The following PHACTR2 variants were observed in gnomAD, a reference collection of about 807,000 sequenced individuals.
PHACTR2 encodes the protein chromosome 6 open reading frame 56.
A neutral mutation model predicts 76.0 loss-of-function variants in PHACTR2; 30 were observed. That is an observed-to-expected ratio of 0.39 (90% confidence interval 0.30 to 0.54). The LOEUF (loss-of-function observed/expected upper bound fraction) is 0.54, where lower values mean the gene tolerates loss of function less well. Among genes scored for constraint, PHACTR2 ranks in the 20% least tolerant of loss-of-function variants. PHACTR2 has a pLI of 0.61. For synonymous variants in PHACTR2, 292 were observed against 292.5 expected, an observed-to-expected ratio of 1.00 and a Z score of 0.02; for missense variants, 696 against 781.1, an observed-to-expected ratio of 0.89 and a Z score of 1.30.
chr6:143,777,282 G>T lies in PHACTR2; in HGVS notation c.1590-46G>T. 9.9e-7 allele frequency: 1 copy of T among 1,007,280 alleles called. No homozygotes were observed. Among genetic ancestry groups the T allele is most frequent in the East Asian group, 2.4e-5 (1 of 41,366 alleles). The allele number at this position is 1,007,280 out of a possible 1,614,324, so 62.4% of individuals were successfully genotyped here. ...TTGTTTTATTCTGAGTCTCCTACTA[G>T]GGTACCTTGTTTTTAACCTGTAATA... On this transcript the variant is annotated intron_variant, in intron 8 of 12. Coordinates refer to ENST00000440869, the MANE Select transcript of PHACTR2 (RefSeq NM_001100164.2). This position sits in a 1 kb window ranked among gnomAD's most constrained non-coding sequence, Gnocchi z 4.6.
intron 3 of PHACTR2, among the ~76,000 whole-genome samples, chr6:143,752,494 C>A (rs1779205013): frequency 6.6e-6 from 1 of 151,998 alleles, no homozygotes; most frequent in Non-Finnish European, 1.5e-5. Flanking sequence ...TTGAGATTTA[C>A]TTGTAATGGC....
intron 1 of PHACTR2, chr6:143,711,727 G>A: frequency 3.3e-6 from 2 of 602,116 alleles, no homozygotes; most frequent in East Asian, 3.7e-5. Context: ...GTTGCAGATG[G>A]ATTCAGCTGT....
rs767469903 is a variant in PHACTR2 at position 143,602,462 on chromosome 6, C to T, written c.217+65255C>T. 6.6e-5 allele frequency among the ~76,000 whole-genome samples: 10 copies of T among 152,144 alleles called. No homozygotes were observed. The highest frequency in any genetic ancestry group is 1.5e-4 in the Non-Finnish European group (10 of 68,020). On this transcript the variant is annotated intron_variant, in intron 1 of 11. Transcript: ENST00000367584. This position sits in a 1 kb window ranked among gnomAD's most constrained non-coding sequence, Gnocchi z 6.1. ...CAAGCAGAGCCTGGCTCTGATTGCT[C>T]CTTTCTCATGTGGAGCTCTTTTAGA...
Position 143,765,171 on chromosome 6 carries a change from T to C in PHACTR2, c.695-90T>C. 1.0e-6 allele frequency: 1 copy of C among 1,002,944 alleles called. No homozygotes were observed. The highest frequency in any genetic ancestry group is 1.5e-6 in the Non-Finnish European group (1 of 673,940). The allele number at this position is 1,002,944 out of a possible 1,614,324, so 62.1% of individuals were successfully genotyped here. ...TTCAACAAACTTTAAAGGGAACATT[T>C]TAAATGTTGTTGACAGTTACACCTT... is the stretch of plus-strand genomic sequence containing the variant. On this transcript the variant is annotated intron_variant, in intron 5 of 12. Coordinates refer to ENST00000440869, the MANE Select transcript of PHACTR2 (RefSeq NM_001100164.2). The surrounding 1 kb of genome is among the most constrained non-coding windows in gnomAD (Gnocchi z 4.1).
chr6:143,569,107 G>A (rs1356584684), intron 1 of PHACTR2, among the ~76,000 whole-genome samples: 1 of 152,182 alleles, frequency 6.6e-6, no homozygotes, highest in East Asian at 1.9e-4. Flanking sequence ...GCTCACCCGT[G>A]ACCATGAGAA....
In PHACTR2 at chr6:143,751,371, C is replaced by T. The variant is rs1427738493; in HGVS notation, c.295+2306C>T. 1.3e-5 allele frequency among the ~76,000 whole-genome samples: 2 copies of T among 152,100 alleles called. No individual in the cohort carries two copies. Among genetic ancestry groups the T allele is most frequent in the African/African-American group, 2.4e-5 (1 of 41,410 alleles). ...CTCCTGGGAAGTCTATGATCTAGTC[C>T]AAGTTTGCTGCTTACCTCTGCTTTT... On this transcript the variant is annotated intron_variant, in intron 3 of 12. Transcript: ENST00000440869. This position sits in a 1 kb window ranked among gnomAD's most constrained non-coding sequence, Gnocchi z 5.7.
At position 143,597,976 on chromosome 6, in the gene PHACTR2, G is replaced by A. The variant is rs73003366; in HGVS notation, c.217+60769G>A. 0.3 allele frequency among the ~76,000 whole-genome samples: 46,190 copies of A among 151,926 alleles called. 7,898 individuals carry two copies. The highest frequency in any genetic ancestry group is 0.39 in the Non-Finnish European group (26,498 of 67,918). On this transcript the variant is annotated intron_variant, in intron 1 of 11. Coordinates refer to the PHACTR2 transcript ENST00000367584. The surrounding 1 kb of genome is among the most constrained non-coding windows in gnomAD (Gnocchi z 5.7). ...GGTGCACCTACGGAAGTAGCGGTGG[G>A]GGCTTTGGCTGTTTCTGAGCCTGTT...
At position 143,562,259 on chromosome 6, in the gene PHACTR2, G is replaced by T. The variant is rs549377677; in HGVS notation, c.217+25052G>T. Among the ~76,000 whole-genome samples the T allele has an allele frequency of 6.6e-6, 1 of 152,164 alleles. No homozygotes were observed. The highest frequency in any genetic ancestry group is 1.5e-5 in the Non-Finnish European group (1 of 68,042). On this transcript the variant is annotated intron_variant, in intron 1 of 11. Coordinates refer to the PHACTR2 transcript ENST00000367584. This position sits in a 1 kb window ranked among gnomAD's most constrained non-coding sequence, Gnocchi z 5.1. ...AGAAAAGAGGTTTAATTAGCTCACA[G>T]TTCTGCAGGCTGTACAGGAAGCACG...
At chr6:143,808,090 G>A (rs1435960921) in intron 12 of PHACTR2, among the ~76,000 whole-genome samples, 1 of 151,594 alleles carries the variant, frequency 6.6e-6, no homozygotes, top group Non-Finnish European at 1.5e-5. Context: ...ATATCTATGG[G>A]TTCCCCATCT....
At chr6:143,630,392 T>C (rs902123486) in intron 1 of PHACTR2, among the ~76,000 whole-genome samples, 2 of 151,838 alleles carry the variant, frequency 1.3e-5, no homozygotes, top group African/African-American at 4.8e-5. Flanking sequence ...TAAATACAAT[T>C]GTAGAATCTC....
chr6:143,634,396 T>A (rs1165678466), intron 1 of PHACTR2, among the ~76,000 whole-genome samples: 1 of 152,250 alleles, frequency 6.6e-6, no homozygotes, highest in East Asian at 1.9e-4. Flanking sequence ...GCAGTTTTGC[T>A]AAAAATGAAA....
In PHACTR2 at chr6:143,783,202, C is replaced by T. The variant is rs1775472985; in HGVS notation, c.1646-17C>T. The T allele has an allele frequency of 1.3e-6, 2 of 1,562,084 alleles. No homozygotes were observed. Among genetic ancestry groups the T allele is most frequent in the South Asian group, 1.1e-5 (1 of 89,208 alleles). On this transcript the variant is annotated splice_polypyrimidine_tract_variant and intron_variant, in intron 9 of 12. Coordinates refer to ENST00000440869, the MANE Select transcript of PHACTR2 (RefSeq NM_001100164.2). The surrounding 1 kb of genome is among the most constrained non-coding windows in gnomAD (Gnocchi z 5.2). The stretch of plus-strand genomic sequence containing the variant: ...CTATAGTAACTGTCATCACGACTTT[C>T]CTCCTTTAATAAACAGAAAAGAATG...
intron 2 of PHACTR2, among the ~76,000 whole-genome samples, chr6:143,736,546 C>A (rs1374619982): frequency 2.1e-5 from 3 of 145,964 alleles, no homozygotes; most frequent in African/African-American, 7.6e-5. Flanking sequence ...TATGCCAAAC[C>A]CTTTACAATT....
chr6:143,771,160 A>ATATATATATATGTATATATATATATATG (rs1775101587), intron 6 of PHACTR2, among the ~76,000 whole-genome samples: 1 of 21,588 alleles, frequency 4.6e-5, no homozygotes, highest in African/African-American at 1.6e-4. Flanking sequence ...ATATATATGT[A>ATATATATATATGTATATATATATATATG]TATATATATA....
intron 1 of PHACTR2, among the ~76,000 whole-genome samples, chr6:143,600,425 T>C (rs543654606): frequency 7.2e-5 from 11 of 152,386 alleles, no homozygotes; most frequent in African/African-American, 2.6e-4. Flanking sequence ...TCCAGTGACC[T>C]GGTGGCATTG....
intron 2 of PHACTR2, among the ~76,000 whole-genome samples, chr6:143,723,815 G>C (rs1176357992): frequency 6.6e-6 from 1 of 152,108 alleles, no homozygotes; most frequent in African/African-American, 2.4e-5. Context: ...TCCCTCTCCT[G>C]TGTGTTATCT....
chr6:143,668,692 G>T (rs984860576), intron 1 of PHACTR2, among the ~76,000 whole-genome samples: 2 of 152,118 alleles, frequency 1.3e-5, no homozygotes, highest in African/African-American at 4.8e-5. Flanking sequence ...TCTGATAGTA[G>T]TTCGTATTTC....
Position 143,818,363 on chromosome 6 carries a change from G to A in PHACTR2, c.1923-5311G>A, listed in dbSNP as rs1039468918. ...CTGTCTCTCTCTGCCTTGGGCAAAT[G>A]AGTTAGCATCCCCATGCCTCAGTTT... is the stretch of plus-strand genomic sequence containing the variant. On this transcript the variant is annotated intron_variant, in intron 12 of 12. Transcript: ENST00000440869. This position sits in a 1 kb window ranked among gnomAD's most constrained non-coding sequence, Gnocchi z 4.9. Among the ~76,000 whole-genome samples, 1 of 152,178 alleles carries A rather than the reference G, an allele frequency of 6.6e-6. No homozygotes were observed. Among genetic ancestry groups the A allele is most frequent in the African/African-American group, 2.4e-5 (1 of 41,442 alleles).
At position 143,772,884 on chromosome 6, in the gene PHACTR2, A is replaced by G. The variant is rs1053592239; in HGVS notation, c.1432+427A>G. On this transcript the variant is annotated intron_variant, in intron 7 of 12. Coordinates refer to ENST00000440869, the MANE Select transcript of PHACTR2 (RefSeq NM_001100164.2). The surrounding 1 kb of genome is among the most constrained non-coding windows in gnomAD (Gnocchi z 5.4). Reference sequence around the variant, plus strand: ...TTCACTCGCTTTTGTACTGGGGTTTATAGAAAGGGGAAGGAGGAATGAGTC... The same window carrying G: ...TTCACTCGCTTTTGTACTGGGGTTTGTAGAAAGGGGAAGGAGGAATGAGTC... Among the ~76,000 whole-genome samples, 1 of 152,190 alleles carries G rather than the reference A, an allele frequency of 6.6e-6. No individual in the cohort carries two copies. The highest frequency in any genetic ancestry group is 1.5e-5 in the Non-Finnish European group (1 of 68,032).
Sources: gnomAD v4.1 joint callset for allele counts (sites outside exome capture counted in the v4.1 genomes callset) on GRCh38, gnomAD v4.1.1 for gene constraint, Gnocchi (gnomAD v3.1) non-coding constraint, MANE v1.5 for transcripts, NCBI Gene and HGNC (gene_info 2026-07-23, HGNC 2026-07-21) for gene names.